CTRB2: variants seen among roughly 807,000 people sequenced by gnomAD.
CTRB2 encodes the protein chymotrypsin B2.
A neutral mutation model predicts 19.3 loss-of-function variants in CTRB2; 9 were observed. The observed-to-expected ratio is 0.47, with a 90% CI of 0.28 to 0.81. CTRB2 has a LOEUF of 0.81. Ranked by LOEUF, CTRB2 falls within the 40% of genes least tolerant of loss-of-function variation. The pLI is 0.11. For missense variants in CTRB2, 210 were observed against 269.7 expected (o/e 0.78, Z 1.55); for synonymous variants, 98 against 117.3 (o/e 0.84, Z 1.06).
In CTRB2 at chr16:75,204,134, A is replaced by C. The variant is rs1198277498; in HGVS notation, c.*27T>G. The C allele has an allele frequency of 6.2e-7, 1 of 1,613,950 alleles. No individual in the cohort carries two copies. ...ACAGATGCATTTAATGGGAAATCTTAAGGCAGGGGTGGCAGGAGCTGCGGG... is the reference window on the plus strand; with the variant it reads ...ACAGATGCATTTAATGGGAAATCTTCAGGCAGGGGTGGCAGGAGCTGCGGG... On this transcript the variant is annotated 3_prime_UTR_variant, in exon 7 of 7. Transcript: ENST00000303037.
At position 75,204,136 on chromosome 16, in the gene CTRB2, G is replaced by A. The variant is rs1208574338; in HGVS notation, c.*25C>T. 6.2e-7 allele frequency: 1 copy of A among 1,613,934 alleles called. No individual in the cohort carries two copies. The highest frequency in any genetic ancestry group is 1.3e-5 in the African/African-American group (1 of 74,900). ...AGATGCATTTAATGGGAAATCTTAA[G>A]GCAGGGGTGGCAGGAGCTGCGGGCT... On this transcript the variant is annotated 3_prime_UTR_variant, in exon 7 of 7. Transcript: ENST00000303037.
At chr16:75,206,231 A>T in intron 1 of CTRB2, 38 bp from the exon 2 acceptor site, 1 of 1,530,260 alleles carries the variant, frequency 6.5e-7, no homozygotes, top group Non-Finnish European at 8.8e-7. Flanking sequence ...GGTACCACCC[A>T]CCCAGGTCCT....
intron 1 of CTRB2, chr16:75,206,781 G>A (rs948076984): frequency 6.8e-6 from 3 of 439,394 alleles, no homozygotes; most frequent in East Asian, 4.7e-5. Context: ...GGGGTTTCCC[G>A]AAGGCCTCAG....
chr16:75,206,876 C>G (rs1236909310), intron 1 of CTRB2: 1 of 563,974 alleles, frequency 1.8e-6, no homozygotes, highest in African/African-American at 1.9e-5. Flanking sequence ...GGGAGCGGGA[C>G]TCCCCATCTC....
intron 6 of CTRB2, 107 bp downstream of exon 6, chr16:75,204,666 C>A: frequency 6.5e-7 from 1 of 1,544,704 alleles, no homozygotes; most frequent in Non-Finnish European, 8.7e-7. Context: ...CCTCACTGGG[C>A]CCCAGGAGGG....
In CTRB2 at chr16:75,204,200, C is replaced by T; in HGVS notation, c.753G>A (p.Lys251=). 6.2e-7 allele frequency: 1 copy of T among 1,614,124 alleles called. No individual in the cohort carries two copies. The highest frequency in any genetic ancestry group is 8.5e-7 in the Non-Finnish European group (1 of 1,179,998). ...GGATCTTCTGCACCCAGGGTATGAG[C>T]TTGGCGACACGGGCGTACACAGCGG... ...TTPAVYARVA[K]LIPWVQKILA... Residue 251 remains lysine (K), a synonymous_variant, in exon 7 of 7, where the codon AAG becomes AAA. Transcript: ENST00000303037.
Position 75,204,240 on chromosome 16 carries a change from C to G in CTRB2, c.713G>C (p.Cys238Ser), listed in dbSNP as rs1567561315. 1 of 1,614,118 alleles carries G rather than the reference C, an allele frequency of 6.2e-7. No homozygotes were observed. ...VGIVSWGSRT[C>S]STTTPAVYAR... ...GTACACAGCGGGCGTGGTGGTAGAG[C>G]AGGTGCGGCTGCCCCAGGACACAAT... The change falls in exon 7 of 7, where the codon TGC becomes TCC. Residue 238 changes from cysteine to serine, a missense_variant. Cys to Ser is a moderately radical substitution (Grantham distance 112). Coordinates refer to ENST00000303037, the MANE Select transcript of CTRB2 (RefSeq NM_001025200.4).
In CTRB2 at chr16:75,204,837, G is replaced by A. The variant is rs199989456; in HGVS notation, c.566C>T (p.Ser189Phe). Residue 189 changes from serine (S) to phenylalanine (F), a missense_variant, in exon 6 of 7, where the codon TCC (serine) becomes TTC (phenylalanine). Transcript: ENST00000303037. ...CACGTCGGTGATCCTCCTGCCCCAG[G>A]ACTTCTTGCATTCGGCATTGGACAG... ...PLLSNAECKK[S>F]WGRRITDVMI... is the part of the protein sequence containing the mutation. 6,449 of 1,365,792 alleles carry A rather than the reference G, an allele frequency of 4.7e-3. 326 individuals carry two copies. In the African/African-American group the frequency reaches 0.087, roughly 18 times the overall value. The allele number at this position is 1,365,792 out of a possible 1,614,324, so 84.6% of individuals were successfully genotyped here.
chr16:75,206,029 CG>C, intron 2 of CTRB2, 37 bp from the exon 3 acceptor site: 2 of 1,198,446 alleles, frequency 1.7e-6, no homozygotes, highest in Non-Finnish European at 2.3e-6. Context: ...ACCTCCCACC[CG>C]GGGGCACCCC....
intron 5 of CTRB2, 114 bp from the exon 6 acceptor site, chr16:75,205,020 C>T (rs1470364324): frequency 2.6e-5 from 9 of 346,130 alleles, no homozygotes; most frequent in Non-Finnish European, 3.9e-5. Context: ...ATGTTGGGTA[C>T]GGCCCCTGGA....
At chr16:75,206,225 C>T (rs1446872287) in intron 1 of CTRB2, 32 bp from the exon 2 acceptor site, 5 of 1,539,028 alleles carry the variant, frequency 3.2e-6, no homozygotes, top group African/African-American at 1.4e-5. Context: ...GGGGTGGGTA[C>T]CACCCACCCA....
In CTRB2 at chr16:75,204,337, G is replaced by A. The variant is rs375207313; in HGVS notation, c.631-15C>T. The A allele has an allele frequency of 2.5e-6, 4 of 1,613,282 alleles. No homozygotes were observed. The highest frequency in any genetic ancestry group is 2.2e-5 in the East Asian group (1 of 44,876). ...CCAGAGTCACCCTGCAGGAAGGAGA[G>A]GAAGTATCTCTAGGCCTGAAAGGGG... On this transcript the variant is annotated splice_polypyrimidine_tract_variant and intron_variant, in intron 6 of 6. Transcript: ENST00000303037.
chr16:75,206,489 A>C (rs1159268328), intron 1 of CTRB2: 1 of 493,700 alleles, frequency 2.0e-6, no homozygotes, highest in African/African-American at 1.9e-5. Context: ...TCAGTCTGGG[A>C]GGCCAGACTC....
intron 6 of CTRB2, 46 bp downstream of exon 6, chr16:75,204,727 C>G: frequency 7.6e-7 from 1 of 1,317,682 alleles, no homozygotes; most frequent in East Asian, 2.6e-5. Context: ...CAGACCTCCC[C>G]TGCACCCCGC....
At position 75,204,169 on chromosome 16, in the gene CTRB2, C is replaced by G. The variant is rs751430556; in HGVS notation, c.784G>C (p.Ala262Pro). The G allele has an allele frequency of 6.2e-7, 1 of 1,614,062 alleles. No individual in the cohort carries two copies. The highest frequency in any genetic ancestry group is 8.5e-7 in the Non-Finnish European group (1 of 1,179,994). Residue 262 changes from alanine to proline, a missense_variant, in exon 7 of 7, where the codon GCC (alanine) becomes CCC (proline). Ala to Pro is a conservative substitution (Grantham distance 27). This residue lies in a region of CTRB2 where 120 missense variants were observed against 90.8 expected (regional missense o/e 1.32). Transcript: ENST00000303037. The stretch of plus-strand genomic sequence containing the variant: ...TGGCAGGAGCTGCGGGCTCAGTTGG[C>G]GGCCAGGATCTTCTGCACCCAGGGT... ...LIPWVQKILA[A>P]N is the part of the protein sequence containing the mutation.
chr16:75,206,079 A>T lies in CTRB2; in HGVS notation c.156+11T>A, dbSNP rs1430425463. 6.7e-7 allele frequency: 1 copy of T among 1,494,130 alleles called. No individual in the cohort carries two copies. The highest frequency in any genetic ancestry group is 9.0e-7 in the Non-Finnish European group (1 of 1,109,656). The allele number at this position is 1,494,130 out of a possible 1,614,324, so 92.6% of individuals were successfully genotyped here. Reference sequence around the variant, plus strand: ...ACCCAGGGTGCCCCCCACCTTGCAGAACCCCCTCACCTGCAGGGACACCTG... The same window carrying T: ...ACCCAGGGTGCCCCCCACCTTGCAGTACCCCCTCACCTGCAGGGACACCTG... On this transcript the variant is annotated intron_variant, in intron 2 of 6. Coordinates refer to ENST00000303037, the MANE Select transcript of CTRB2 (RefSeq NM_001025200.4).
At chr16:75,206,216 G>A in intron 1 of CTRB2, 23 bp from the exon 2 acceptor site, 5 of 1,550,508 alleles carry the variant, frequency 3.2e-6, no homozygotes, top group Non-Finnish European at 4.4e-6. Context: ...GTGGGCTGAG[G>A]GGTGGGTACC....
chr16:75,207,072 G>A lies in CTRB2; in HGVS notation c.52+18C>T, dbSNP rs909046329. On this transcript the variant is annotated intron_variant, in intron 1 of 6. Transcript: ENST00000303037. ...GAGAGGAGAAAACCCTTCGGCCTCC[G>A]CAGGGCCTGGCACTCACCGAAGGTG... 72 of 1,551,304 alleles carry A rather than the reference G, an allele frequency of 4.6e-5. 2 individuals are homozygous for A. Among genetic ancestry groups the A allele is most frequent in the Admixed American group, 2.0e-4 (10 of 51,004 alleles).
At chr16:75,206,671 G>A in intron 1 of CTRB2, 1 of 315,072 alleles carries the variant, frequency 3.2e-6, no homozygotes, top group Admixed American at 4.8e-5. Context: ...GTTTAAGAGG[G>A]TGAGGCTCGA....
Sources: allele counts gnomAD v4.1 joint callset, GRCh38; gene constraint gnomAD v4.1.1; regional missense constraint gnomAD v4.1.1; transcripts MANE v1.5; gene names NCBI Gene and HGNC (gene_info 2026-07-23, HGNC 2026-07-21).